Variants in RABGAP1L observed in about 807,000 individuals in gnomAD.
RABGAP1L encodes RAB GTPase activating protein 1 like.
In RABGAP1L, 63 loss-of-function variants were observed where a neutral mutation model predicts 137.7. That is an observed-to-expected ratio of 0.46 (90% CI 0.37 to 0.56). The LOEUF is 0.56. Ranked by LOEUF, RABGAP1L falls within the 20% of genes least tolerant of loss-of-function variation. RABGAP1L has a pLI of 0.00. For synonymous variants in RABGAP1L, 431 were observed against 433.7 expected, an observed-to-expected ratio of 0.99 and a Z score of 0.08; for missense variants, 1,095 against 1,244.0, an observed-to-expected ratio of 0.88 and a Z score of 1.80.
intron 24 of RABGAP1L, among the ~76,000 whole-genome samples, chr1:174,985,397 AAAAAAG>A (rs1671506592): frequency 6.6e-6 from 1 of 152,188 alleles, no homozygotes; most frequent in South Asian, 2.1e-4. Context: ...GTACAAAATT[AAAAAAG>A]AAAAAGACAG....
intron 13 of RABGAP1L, among the ~76,000 whole-genome samples, chr1:174,629,663 C>G (rs1673185397): frequency 6.6e-6 from 1 of 152,108 alleles, no homozygotes; most frequent in Non-Finnish European, 1.5e-5. Flanking sequence ...GCTGGGATTA[C>G]AGGCATGTGC....
chr1:174,378,956 T>C (rs1304881963), intron 12 of RABGAP1L, among the ~76,000 whole-genome samples: 2 of 130,732 alleles, frequency 1.5e-5, no homozygotes, highest in African/African-American at 6.7e-5. Flanking sequence ...CTTGAATTGA[T>C]TTTTGTATAA....
chr1:174,326,966 A>T (rs1408558763), intron 11 of RABGAP1L, among the ~76,000 whole-genome samples: 2 of 152,204 alleles, frequency 1.3e-5, no homozygotes, highest in African/African-American at 4.8e-5. Context: ...GTACACAGTA[A>T]AGCTATTTTT....
At chr1:174,525,355 C>T (rs1262417565) in intron 13 of RABGAP1L, among the ~76,000 whole-genome samples, 1 of 151,944 alleles carries the variant, frequency 6.6e-6, no homozygotes, top group Non-Finnish European at 1.5e-5. Context: ...AGAGATTTTT[C>T]ACCTTCTTGG....
At chr1:174,718,350 C>T (rs1242950257) in intron 17 of RABGAP1L, among the ~76,000 whole-genome samples, 1 of 152,196 alleles carries the variant, frequency 6.6e-6, no homozygotes, top group Admixed American at 6.5e-5. Flanking sequence ...TGCCAGAATG[C>T]TCATCTGTTG....
intron 13 of RABGAP1L, among the ~76,000 whole-genome samples, chr1:174,563,520 T>C (rs1357407071): frequency 1.3e-5 from 2 of 152,126 alleles, no homozygotes; most frequent in Non-Finnish European, 2.9e-5. Flanking sequence ...ATATTAAAAC[T>C]TGCAAGGACT....
intron 13 of RABGAP1L, among the ~76,000 whole-genome samples, chr1:174,501,341 G>A (rs1268886392): frequency 6.6e-6 from 1 of 151,822 alleles, no homozygotes; most frequent in Admixed American, 6.6e-5. Context: ...AGTCTCCTGA[G>A]TAGCTGGGAC....
intron 13 of RABGAP1L, among the ~76,000 whole-genome samples, chr1:174,441,450 G>A (rs1166038427): frequency 1.3e-5 from 2 of 152,060 alleles, no homozygotes; most frequent in African/African-American, 4.8e-5. Context: ...AGCTAGCACA[G>A]TCAGCCAGGT....
At chr1:174,372,633 A>G (rs1298251189) in intron 12 of RABGAP1L, among the ~76,000 whole-genome samples, 1 of 152,210 alleles carries the variant, frequency 6.6e-6, no homozygotes, top group Admixed American at 6.5e-5. Flanking sequence ...ATCCAAGAAC[A>G]GAAGTTGTAA....
At chr1:174,940,274 T>C (rs1665642240) in intron 19 of RABGAP1L, among the ~76,000 whole-genome samples, 1 of 151,718 alleles carries the variant, frequency 6.6e-6, no homozygotes, top group Admixed American at 6.6e-5. Context: ...TTCTTTTTTT[T>C]TTTTTTCTGA....
At chr1:174,585,465 AT>A (rs1669047922) in intron 13 of RABGAP1L, among the ~76,000 whole-genome samples, 1 of 152,210 alleles carries the variant, frequency 6.6e-6, no homozygotes, top group Admixed American at 6.5e-5. Flanking sequence ...GTGAGAACAG[AT>A]GGTCTTGGAT....
intron 10 of RABGAP1L, among the ~76,000 whole-genome samples, chr1:174,290,339 A>G (rs1205877166): frequency 1.3e-5 from 2 of 152,218 alleles, no homozygotes; most frequent in Non-Finnish European, 2.9e-5. Flanking sequence ...GCATGCTGGA[A>G]TATTGGGAAA....
intron 13 of RABGAP1L, among the ~76,000 whole-genome samples, chr1:174,499,138 C>G (rs1661019378): frequency 2.0e-5 from 3 of 151,734 alleles, no homozygotes; most frequent in Non-Finnish European, 4.4e-5. Context: ...AAAATTGCTA[C>G]CACATATAAT....
chr1:174,949,893 C>T (rs948271949), intron 19 of RABGAP1L, among the ~76,000 whole-genome samples: 7 of 152,128 alleles, frequency 4.6e-5, no homozygotes, highest in African/African-American at 1.7e-4. Flanking sequence ...GCATTGGGAC[C>T]ACAGCTTATA....
chr1:174,697,956 AG>A (rs1679384341), intron 15 of RABGAP1L, among the ~76,000 whole-genome samples: 1 of 152,266 alleles, frequency 6.6e-6, no homozygotes, highest in Non-Finnish European at 1.5e-5. Context: ...ATTTAACTTC[AG>A]GAGATGTTAT....
chr1:174,467,419 G>GGTAT (rs1657425739), intron 13 of RABGAP1L, among the ~76,000 whole-genome samples: 1 of 151,802 alleles, frequency 6.6e-6, no homozygotes, highest in Non-Finnish European at 1.5e-5. Context: ...AAAAGACATG[G>GGTAT]GTATGAGAGG....
At chr1:174,371,113 T>C (rs773303564) in intron 12 of RABGAP1L, 41 bp downstream of exon 12, 2 of 1,113,142 alleles carry the variant, frequency 1.8e-6, no homozygotes, top group African/African-American at 3.0e-5. Flanking sequence ...TATATTTACA[T>C]AGTTGATGTT....
At chr1:174,853,580 A>C (rs541936006) in intron 19 of RABGAP1L, among the ~76,000 whole-genome samples, 19 of 152,164 alleles carry the variant, frequency 1.2e-4, no homozygotes, top group African/African-American at 4.6e-4. Context: ...AAATACAAAA[A>C]ATTAGCCAGG....
chr1:174,426,904 C>T (rs982921901), intron 13 of RABGAP1L, among the ~76,000 whole-genome samples: 3 of 151,892 alleles, frequency 2.0e-5, no homozygotes, highest in African/African-American at 4.8e-5. Context: ...AGTAGAGATA[C>T]GTAACAGAAA....
Sources: allele counts gnomAD v4.1 joint callset (sites outside exome capture counted in the v4.1 genomes callset), GRCh38; gene constraint gnomAD v4.1.1; transcripts MANE v1.5; gene names NCBI Gene and HGNC (gene_info 2026-07-23, HGNC 2026-07-21).